Variants in NRL observed in about 807,000 individuals in gnomAD.
NRL encodes the protein neural retina leucine zipper.
Under a neutral mutation model 12.5 loss-of-function variants are expected in NRL, and 16 were observed. That is an observed-to-expected ratio of 1.28 (90% confidence interval 0.87 to 1.95). NRL has a LOEUF of 1.95. Among genes scored for constraint, NRL ranks in the 30% most tolerant of loss-of-function variants. NRL has a pLI of 0.00. For synonymous variants in NRL, 142 were observed against 150.9 expected, an observed-to-expected ratio of 0.94 and a Z score of 0.43; for missense variants, 314 against 325.8, an observed-to-expected ratio of 0.96 and a Z score of 0.28.
At chr14:24,097,771 T>G (rs1339934328) in intron 1 of NRL, among the ~76,000 whole-genome samples, 1 of 151,900 alleles carries the variant, frequency 6.6e-6, no homozygotes, top group Non-Finnish European at 1.5e-5. Flanking sequence ...TTTTTGTATT[T>G]TTAGTAGAGA....
rs375365055 is a variant in NRL at position 24,078,886 on chromosome 14, G to A, written c.*2350C>T. The stretch of plus-strand genomic sequence containing the variant: ...CACGATTATGGCTCACTGCATCCCC[G>A]AACTCCTGGGCTCAAGTTATCCTTC... On this transcript the variant is annotated 3_prime_UTR_variant, in exon 3 of 3. Transcript: ENST00000561028. Among the ~76,000 whole-genome samples the A allele has an allele frequency of 2.0e-4, 30 of 152,240 alleles. No individual in the cohort carries two copies. Among genetic ancestry groups the A allele is most frequent in the South Asian group, 8.3e-4 (4 of 4,826 alleles).
intron 1 of NRL, chr14:24,100,031 T>C: frequency 6.2e-7 from 1 of 1,614,108 alleles, no homozygotes; most frequent in Non-Finnish European, 8.5e-7. Flanking sequence ...AACGGCTTCT[T>C]TGGGGTTGCC....
chr14:24,098,202 G>C, intron 1 of NRL: 1 of 1,591,928 alleles, frequency 6.3e-7, no homozygotes, highest in Non-Finnish European at 8.6e-7. Flanking sequence ...CTCTCCCCCA[G>C]CTGGCTGGCC....
In NRL at chr14:24,094,550, G is replaced by A. The variant is rs1053998867; in HGVS notation, c.-27-11675C>T. 7.7e-5 allele frequency: 111 copies of A among 1,438,038 alleles called. No homozygotes were observed. Among genetic ancestry groups the A allele is most frequent in the Non-Finnish European group, 9.2e-5 (101 of 1,100,548 alleles). The allele number at this position is 1,438,038 out of a possible 1,614,324, so 89.1% of individuals were successfully genotyped here. On this transcript the variant is annotated intron_variant, in intron 1 of 2. Transcript: ENST00000561028. The surrounding 1 kb of genome is among the most constrained non-coding windows in gnomAD (Gnocchi z 4.1). ...CGCCAGGTTTCCCATCCTAGGCGGA[G>A]GCGGGCAGGGGCGACTGCTGTGGGT...
In NRL at chr14:24,094,351, T is replaced by C. The variant is rs2036752587; in HGVS notation, c.-27-11476A>G. 6.7e-7 allele frequency: 1 copy of C among 1,499,670 alleles called. No individual in the cohort carries two copies. Among genetic ancestry groups the C allele is most frequent in the Non-Finnish European group, 9.0e-7 (1 of 1,113,684 alleles). The allele number at this position is 1,499,670 out of a possible 1,614,324, so 92.9% of individuals were successfully genotyped here. A position where few individuals can be genotyped will look rare whatever the true frequency, so the allele number is the denominator to read the frequency against. ...GCGCTCCCTCCTTCCCCGCCTTCCA[T>C]ACCTCCCCGGCTCCGCTCGGTTCCT... On this transcript the variant is annotated intron_variant, in intron 1 of 2. Transcript: ENST00000561028. The surrounding 1 kb of genome is among the most constrained non-coding windows in gnomAD (Gnocchi z 4.1).
intron 1 of NRL, chr14:24,093,222 T>C (rs951619196): frequency 6.6e-5 from 10 of 152,288 alleles, no homozygotes; most frequent in African/African-American, 2.4e-4. Flanking sequence ...ACACCCATCA[T>C]AGATATGCTG....
intron 1 of NRL, among the ~76,000 whole-genome samples, chr14:24,107,472 G>A (rs1473428414): frequency 1.3e-4 from 14 of 103,938 alleles, no homozygotes; most frequent in East Asian, 2.9e-4. Flanking sequence ...GCCCCGCCCC[G>A]ACCCTGTTGC....
In NRL at chr14:24,079,869, T is replaced by G. The variant is rs1218495191; in HGVS notation, c.*1367A>C. Among the ~76,000 whole-genome samples, 1 of 152,150 alleles carries G rather than the reference T, an allele frequency of 6.6e-6. No homozygotes were observed. The highest frequency in any genetic ancestry group is 2.4e-5 in the African/African-American group (1 of 41,424). On this transcript the variant is annotated 3_prime_UTR_variant, in exon 3 of 3. Transcript: ENST00000561028. ...TACCATGGAAACTGTGAGACCTGGATAGCCACTGACAGGCCGAGCTGGGCC... is the reference window on the plus strand; with the variant it reads ...TACCATGGAAACTGTGAGACCTGGAGAGCCACTGACAGGCCGAGCTGGGCC...
At chr14:24,104,475 A>C (rs1270004518) in intron 1 of NRL, among the ~76,000 whole-genome samples, 16 of 106,590 alleles carry the variant, frequency 1.5e-4, no homozygotes, top group Non-Finnish European at 2.1e-4. Context: ...TAAAAATACA[A>C]AAAAAAAAAA....
At position 24,094,711 on chromosome 14, in the gene NRL, C is replaced by T; in HGVS notation, c.-27-11836G>A. ...CTGCCACTCTCAGAACTTCCTCTCT[C>T]TCCTCGCTCCTCTCTGCTGAGCCAG... On this transcript the variant is annotated intron_variant, in intron 1 of 2. Transcript: ENST00000561028. The surrounding 1 kb of genome is among the most constrained non-coding windows in gnomAD (Gnocchi z 4.1). 2.0e-6 allele frequency: 3 copies of T among 1,503,754 alleles called. No individual in the cohort carries two copies. Among genetic ancestry groups the T allele is most frequent in the Non-Finnish European group, 2.7e-6 (3 of 1,129,174 alleles). 93.2% of individuals were successfully genotyped at this position (1,503,754 alleles called of 1,614,324 possible). A position where few individuals can be genotyped will look rare whatever the true frequency, so the allele number is the denominator to read the frequency against.
At chr14:24,090,257 G>A (rs903330339) in intron 1 of NRL, among the ~76,000 whole-genome samples, 1 of 93,946 alleles carries the variant, frequency 1.1e-5, no homozygotes, top group Non-Finnish European at 2.3e-5. Context: ...GTGTGCAGGT[G>A]GTTTACTCGG....
Position 24,094,311 on chromosome 14 carries a change from G to C in NRL, c.-27-11436C>G. The C allele has an allele frequency of 7.8e-7, 1 of 1,276,028 alleles. No individual in the cohort carries two copies. Among genetic ancestry groups the C allele is most frequent in the African/African-American group, 1.5e-5 (1 of 66,118 alleles). The allele number at this position is 1,276,028 out of a possible 1,614,324, so 79.0% of individuals were successfully genotyped here. The stretch of plus-strand genomic sequence containing the variant: ...TAAGCGCCTCCCGCCAGCCTCTGCT[G>C]TGGCTCGCTTCGCCGCGCTCCCTCC... On this transcript the variant is annotated intron_variant, in intron 1 of 2. Transcript: ENST00000561028. This position sits in a 1 kb window ranked among gnomAD's most constrained non-coding sequence, Gnocchi z 4.1.
intron 1 of NRL, among the ~76,000 whole-genome samples, chr14:24,109,870 A>AT (rs1180632333): frequency 6.6e-6 from 1 of 152,210 alleles, no homozygotes; most frequent in African/African-American, 2.4e-5. Context: ...TACAAGTTCC[A>AT]TATTACAAAA....
chr14:24,106,464 G>A (rs944460714), intron 1 of NRL, among the ~76,000 whole-genome samples: 3 of 152,086 alleles, frequency 2.0e-5, no homozygotes, highest in South Asian at 2.1e-4. Flanking sequence ...AGCCAGGCGC[G>A]GTGGCTCACA....
At position 24,081,634 on chromosome 14, in the gene NRL, G is replaced by A; in HGVS notation, c.382-66C>T. 2 of 1,541,498 alleles carry A rather than the reference G, an allele frequency of 1.3e-6. No individual in the cohort carries two copies. The highest frequency in any genetic ancestry group is 1.7e-6 in the Non-Finnish European group (2 of 1,143,186). On this transcript the variant is annotated intron_variant, in intron 2 of 2. Coordinates refer to ENST00000561028, the MANE Select transcript of NRL (RefSeq NM_001354768.3). This position sits in a 1 kb window ranked among gnomAD's most constrained non-coding sequence, Gnocchi z 4.4. ...GCACCCGGCTCTGCCCTGAGGGCCC[G>A]ACGCTACCTGGCTCCGCCCCGGGAC... is the stretch of plus-strand genomic sequence containing the variant.
chr14:24,089,224 A>G lies in NRL; in HGVS notation c.-27-6349T>C, dbSNP rs566936712. 9.2e-5 allele frequency among the ~76,000 whole-genome samples: 14 copies of G among 151,880 alleles called. No homozygotes were observed. The East Asian group carries it at 2.3e-3, about 25-fold the overall frequency. On this transcript the variant is annotated intron_variant, in intron 1 of 2. Coordinates refer to ENST00000561028, the MANE Select transcript of NRL (RefSeq NM_001354768.3). The stretch of plus-strand genomic sequence containing the variant: ...AGCGCTGGGGTTATAGGCATGAGCC[A>G]CTGCGCCGACCCTGAGTTATACATT...
In NRL at chr14:24,097,019, C is replaced by A. The variant is rs201059299; in HGVS notation, c.-27-14144G>T. ...TCGAGATTTTGTAGAGCACAGTGCCCGCCTGTGCCAACCAGAGGGCATCCA... is the reference window on the plus strand; with the variant it reads ...TCGAGATTTTGTAGAGCACAGTGCCAGCCTGTGCCAACCAGAGGGCATCCA... On this transcript the variant is annotated intron_variant, in intron 1 of 2. Transcript: ENST00000561028. The A allele has an allele frequency of 6.8e-5, 110 of 1,613,388 alleles. 1 individual carries two copies. The Middle Eastern group carries it at 4.0e-3, about 58-fold the overall frequency.
At chr14:24,087,486 GAC>G (rs1415601120) in intron 1 of NRL, among the ~76,000 whole-genome samples, 2 of 152,010 alleles carry the variant, frequency 1.3e-5, no homozygotes, top group African/African-American at 4.8e-5. Flanking sequence ...GAGAAAATGA[GAC>G]AGTCAGCATT....
chr14:24,101,418 A>T (rs1225892119), intron 1 of NRL, among the ~76,000 whole-genome samples: 1 of 152,166 alleles, frequency 6.6e-6, no homozygotes, highest in Non-Finnish European at 1.5e-5. Context: ...AGAAGGCACC[A>T]TGTCCACTCA....
Sources: gnomAD v4.1 joint callset for allele counts (sites outside exome capture counted in the v4.1 genomes callset) on GRCh38, gnomAD v4.1.1 for gene constraint, Gnocchi (gnomAD v3.1) non-coding constraint, MANE v1.5 for transcripts, NCBI Gene and HGNC (gene_info 2026-07-23, HGNC 2026-07-21) for gene names.